The following NDUFA10 variants were observed in gnomAD, a reference collection of about 807,000 sequenced individuals.
NDUFA10 encodes NADH:ubiquinone oxidoreductase subunit A10, also known as NADH dehydrogenase [ubiquinone] 1 alpha subcomplex subunit 10, mitochondrial.
In NDUFA10, 40 loss-of-function variants were observed where a neutral mutation model predicts 47.8. That is an observed-to-expected ratio of 0.84 (90% CI 0.65 to 1.09). The LOEUF (loss-of-function observed/expected upper bound fraction) is 1.09, where lower values mean the gene tolerates loss of function less well. Among genes scored for constraint, NDUFA10 ranks in the 50% least tolerant of loss-of-function variants. The probability of loss-of-function intolerance (pLI) is 0.00; values close to 1 mark genes in which losing one functional copy is unlikely to be tolerated. For synonymous variants in NDUFA10, 183 were observed against 172.2 expected, an observed-to-expected ratio of 1.06 and a Z score of -0.49; for missense variants, 413 against 451.1, an observed-to-expected ratio of 0.92 and a Z score of 0.76.
chr2:239,996,526 A>G (rs1393219993), intron 8 of NDUFA10, among the ~76,000 whole-genome samples: 5 of 152,254 alleles, frequency 3.3e-5, no homozygotes, highest in Non-Finnish European at 7.3e-5. Context: ...TGTGTGATAC[A>G]GCAAAAGCAG....
chr2:240,009,701 CCAT>C (rs1218592719), intron 6 of NDUFA10, among the ~76,000 whole-genome samples: 1 of 152,182 alleles, frequency 6.6e-6, no homozygotes, highest in African/African-American at 2.4e-5. Context: ...TTCAACGGAG[CCAT>C]CATCTTGTCA....
In NDUFA10 at chr2:239,961,160, C is replaced by CCCAT; in HGVS notation, c.1025_1026insATGG (p.Tyr343TrpfsTer27). The CCCAT allele has an allele frequency of 6.2e-7, 1 of 1,613,918 alleles. No individual in the cohort carries two copies. The highest frequency in any genetic ancestry group is 8.5e-7 in the Non-Finnish European group (1 of 1,179,958). ...ACTTGTCTCCCACCTCGGTGTTGTA[C>CCCAT]CCAGGGCTGTACTTGCGGCCCGGCA... On this transcript the variant is annotated frameshift_variant, in exon 10 of 10. Transcript: ENST00000252711. LOFTEE classifies it high-confidence loss of function.
chr2:240,011,454 A>T (rs1349696049), intron 6 of NDUFA10, among the ~76,000 whole-genome samples, 163 bp downstream of exon 6: 1 of 152,188 alleles, frequency 6.6e-6, no homozygotes, highest in Non-Finnish European at 1.5e-5. Flanking sequence ...CAAAAATCAA[A>T]CTGAAATGTC....
chr2:239,969,161 T>C (rs568399820), intron 9 of NDUFA10, among the ~76,000 whole-genome samples: 19 of 152,158 alleles, frequency 1.2e-4, no homozygotes, highest in African/African-American at 3.9e-4. Flanking sequence ...GGGGAAAATA[T>C]CAAGCCAACT....
chr2:240,024,887 G>A (rs1008132494), intron 1 of NDUFA10, among the ~76,000 whole-genome samples: 1 of 152,198 alleles, frequency 6.6e-6, no homozygotes, highest in Admixed American at 6.5e-5. Flanking sequence ...TCTTGACAGG[G>A]CTGCTACGTG....
Position 240,005,262 on chromosome 2 carries a change from T to C in NDUFA10, c.838A>G (p.Lys280Glu), listed in dbSNP as rs1696902948. 3.1e-6 allele frequency: 5 copies of C among 1,614,098 alleles called. No homozygotes were observed. Among genetic ancestry groups the C allele is most frequent in the African/African-American group, 1.3e-5 (1 of 75,040 alleles). The change falls in exon 8 of 10, where the codon AAA becomes GAA. Residue 280 changes from lysine (K) to glutamate (E), a missense_variant. Transcript: ENST00000252711. Reference protein sequence around the residue: ...VEDIEYLKFDKGPWLKQDNRT... With the variant: ...VEDIEYLKFDEGPWLKQDNRT... ...TTGTCCTGCTTGAGCCACGGCCCTT[T>C]ATCGAACTTCAGGTATTCAATGTCC... is the stretch of plus-strand genomic sequence containing the variant.
chr2:239,986,948 T>C (rs1045963501), intron 9 of NDUFA10, among the ~76,000 whole-genome samples: 1 of 80,896 alleles, frequency 1.2e-5, no homozygotes, highest in Non-Finnish European at 3.4e-5. Context: ...CAAAACCACA[T>C]TGAGGGATAT....
At position 239,952,301 on chromosome 2, in the gene NDUFA10, AG is replaced by A. The variant is rs976887158; in HGVS notation, c.294+37772del. On this transcript the variant is annotated intron_variant, in intron 4 of 5. Coordinates refer to the NDUFA10 transcript ENST00000419408. ...AAAGGGCTCTGAAGGCAGAGTGGGG[AG>A]GGGGGCCCAGGAGAAAGGAGCAGAC... Among the ~76,000 whole-genome samples the A allele has an allele frequency of 2.3e-4, 19 of 81,684 alleles. No individual in the cohort carries two copies. In the East Asian group the frequency reaches 5.7e-3, roughly 24 times the overall value. The allele number at this position is 81,684 out of a possible 152,430, so 53.6% of individuals were successfully genotyped here. A position where few individuals can be genotyped will look rare whatever the true frequency, so the allele number is the denominator to read the frequency against.
chr2:239,953,845 C>T (rs1356795883), downstream of NDUFA10, among the ~76,000 whole-genome samples: 2 of 152,238 alleles, frequency 1.3e-5, no homozygotes, highest in Admixed American at 6.5e-5. Flanking sequence ...ATAGACTCCG[C>T]TTCCAAACCC....
intron 9 of NDUFA10, among the ~76,000 whole-genome samples, chr2:239,983,234 A>G (rs1231057252): frequency 6.6e-6 from 1 of 152,096 alleles, no homozygotes; most frequent in Non-Finnish European, 1.5e-5. Flanking sequence ...CCATGCAGAG[A>G]GCCTTTTGTG....
At chr2:240,015,797 T>A (rs1697323089) in intron 4 of NDUFA10, among the ~76,000 whole-genome samples, 1 of 152,342 alleles carries the variant, frequency 6.6e-6, no homozygotes, top group East Asian at 1.9e-4. Context: ...GCTTTTCACG[T>A]GTGGAACCTT....
At chr2:239,939,206 G>T (rs1380980993) in intron 4 of NDUFA10, among the ~76,000 whole-genome samples, 1 of 152,146 alleles carries the variant, frequency 6.6e-6, no homozygotes, top group Non-Finnish European at 1.5e-5. Flanking sequence ...GGAAAGGGAG[G>T]CCTGGGGGTC....
chr2:239,921,299 G>A (rs1354109833), intron 4 of NDUFA10, among the ~76,000 whole-genome samples: 20 of 152,064 alleles, frequency 1.3e-4, no homozygotes, highest in African/African-American at 4.6e-4. Context: ...TTTGCCATGA[G>A]TGTTATAGCT....
Position 240,018,579 on chromosome 2 carries a change from T to A in NDUFA10, c.521A>T (p.Tyr174Phe). 6.2e-7 allele frequency: 1 copy of A among 1,614,236 alleles called. No individual in the cohort carries two copies. The highest frequency in any genetic ancestry group is 8.5e-7 in the Non-Finnish European group (1 of 1,180,056). Reference sequence around the variant, plus strand: ...CTGCTTTCGGATGAATCCCTGGTTGTACATCGCCTCCAGGAACACAAAGTC... The same window carrying A: ...CTGCTTTCGGATGAATCCCTGGTTGAACATCGCCTCCAGGAACACAAAGTC... The part of the protein sequence containing the change: ...FSDFVFLEAM[Y>F]NQGFIRKQCV... The change falls in exon 4 of 10, where the codon TAC becomes TTC. Residue 174 changes from tyrosine (Y) to phenylalanine (F), a missense_variant. Physicochemically the swap from Tyr to Phe is conservative, Grantham distance 22 (BLOSUM62 3). Coordinates refer to ENST00000252711, the MANE Select transcript of NDUFA10 (RefSeq NM_004544.4).
chr2:239,965,531 C>A (rs145347382), intron 9 of NDUFA10, among the ~76,000 whole-genome samples: 232 of 152,300 alleles, frequency 1.5e-3, no homozygotes, highest in Non-Finnish European at 2.5e-3. Context: ...GGAGCCGCAA[C>A]GGGCCTCGTC....
In NDUFA10 at chr2:240,018,570, C is replaced by T. The variant is rs1268359000; in HGVS notation, c.530G>A (p.Gly177Glu). The change falls in exon 4 of 10, where the codon GGA (glycine) becomes GAA (glutamate). Residue 177 changes from glycine (G) to glutamate (E), a missense_variant. Transcript: ENST00000252711. ...FVFLEAMYNQ[G>E]FIRKQCVDHY... is the part of the protein sequence containing the mutation. ...TGACTCACACTGCTTTCGGATGAAT[C>T]CCTGGTTGTACATCGCCTCCAGGAA... 9.9e-6 allele frequency: 16 copies of T among 1,614,088 alleles called. No homozygotes were observed. Among genetic ancestry groups the T allele is most frequent in the Non-Finnish European group, 1.3e-5 (15 of 1,180,054 alleles).
In NDUFA10 at chr2:240,014,442, G is replaced by A. The variant is rs115508986; in HGVS notation, c.669+297C>T. The stretch of plus-strand genomic sequence containing the variant: ...GGTACGTGACAGAGGGATGGAGGAC[G>A]CTCTGCCAGGAGGCCCTCACCAGCC... On this transcript the variant is annotated intron_variant, in intron 5 of 9. Transcript: ENST00000252711. The A allele has an allele frequency of 3.4e-3, 1,477 of 440,338 alleles. 24 individuals are homozygous for A. The highest frequency in any genetic ancestry group is 0.027 in the African/African-American group (1,346 of 50,050). The allele number at this position is 440,338 out of a possible 1,614,324, so 27.3% of individuals were successfully genotyped here. A position where few individuals can be genotyped will look rare whatever the true frequency, so the allele number is the denominator to read the frequency against.
downstream of NDUFA10, among the ~76,000 whole-genome samples, chr2:239,953,467 T>A (rs1694596328): frequency 1.3e-5 from 2 of 152,240 alleles, no homozygotes; most frequent in African/African-American, 4.8e-5. Flanking sequence ...TCCGCGTTGA[T>A]CTGGGCTCAG....
chr2:240,015,610 A>G (rs1022966493), intron 4 of NDUFA10, among the ~76,000 whole-genome samples: 3 of 152,234 alleles, frequency 2.0e-5, no homozygotes, highest in Admixed American at 1.3e-4. Context: ...TGATCACTAC[A>G]CAGAATGCAT....
Sources: gnomAD v4.1 joint callset for allele counts (sites outside exome capture counted in the v4.1 genomes callset) on GRCh38, gnomAD v4.1.1 for gene constraint, MANE v1.5 for transcripts, NCBI Gene and HGNC (gene_info 2026-07-23, HGNC 2026-07-21) for gene names.